Variants in BRAF observed in about 807,000 individuals in gnomAD.
BRAF encodes serine/threonine-protein kinase B-raf.
A neutral mutation model predicts 104.6 loss-of-function variants in BRAF; 16 were observed. The observed-to-expected ratio is 0.15, with a 90% CI of 0.10 to 0.23. The LOEUF (loss-of-function observed/expected upper bound fraction) is 0.23, where lower values mean the gene tolerates loss of function less well. BRAF is among the 10% of genes least tolerant of loss of function. BRAF has a pLI of 1.00. For synonymous variants in BRAF, 310 were observed against 341.6 expected, an observed-to-expected ratio of 0.91 and a Z score of 1.02; for missense variants, 541 against 937.3, an observed-to-expected ratio of 0.58 and a Z score of 5.52.
At chr7:140,902,886 A>G (rs773506194) in intron 1 of BRAF, among the ~76,000 whole-genome samples, 81 of 151,440 alleles carry the variant, frequency 5.3e-4, no homozygotes, top group Non-Finnish European at 4.3e-4. Flanking sequence ...CCCTAAGTCA[A>G]TGGTTGGCTT....
chr7:140,791,455 G>A (rs542185192), intron 8 of BRAF, among the ~76,000 whole-genome samples: 3 of 152,200 alleles, frequency 2.0e-5, no homozygotes, highest in Admixed American at 6.5e-5. Flanking sequence ...GGAAGAGCCA[G>A]CCCATAAAGG....
chr7:140,924,718 C>T lies in BRAF; in HGVS notation c.-15G>A. ...AGCGCCGCCATCTTATAACCGAGAG[C>T]CGGGGCCCGAGCGGCCGCTGTCGGG... On this transcript the variant is annotated 5_prime_UTR_variant, in exon 1 of 20. Transcript: ENST00000644969. The surrounding 1 kb of genome is among the most constrained non-coding windows in gnomAD (Gnocchi z 4.2). 2.2e-6 allele frequency: 2 copies of T among 910,576 alleles called. No individual in the cohort carries two copies. Among genetic ancestry groups the T allele is most frequent in the Admixed American group, 2.3e-5 (1 of 44,246 alleles). The allele number at this position is 910,576 out of a possible 1,614,324, so 56.4% of individuals were successfully genotyped here.
Position 140,787,338 on chromosome 7 carries a change from G to A in BRAF, c.1177+210C>T, listed in dbSNP as rs569641333. Among the ~76,000 whole-genome samples the A allele has an allele frequency of 2.2e-5, 3 of 138,962 alleles. No individual in the cohort carries two copies. In the South Asian group the frequency reaches 7.1e-4, roughly 33 times the overall value. The allele number at this position is 138,962 out of a possible 152,430, so 91.2% of individuals were successfully genotyped here. On this transcript the variant is annotated intron_variant, in intron 9 of 19. Coordinates refer to ENST00000644969, the MANE Select transcript of BRAF (RefSeq NM_001374258.1). ...AAAAAAAAAAAAGACTTCCTTTTAT[G>A]TCCAGTCATCTTTTCTACTCATGTT...
At chr7:140,801,283 TA>T (rs1291205763) in intron 6 of BRAF, 128 bp downstream of exon 6, 152 of 1,053,726 alleles carry the variant, frequency 1.4e-4, no homozygotes, top group Non-Finnish European at 9.9e-5. Context: ...TAACTACACT[TA>T]AAAAAAATTC....
chr7:140,785,190 A>G (rs1312646334), intron 10 of BRAF, among the ~76,000 whole-genome samples: 1 of 152,230 alleles, frequency 6.6e-6, no homozygotes, highest in Non-Finnish European at 1.5e-5. Context: ...AAAACCCAAA[A>G]AACACTGCTA....
At chr7:140,890,791 C>G (rs889308711) in intron 1 of BRAF, among the ~76,000 whole-genome samples, 2 of 152,174 alleles carry the variant, frequency 1.3e-5, no homozygotes, top group Non-Finnish European at 1.5e-5. Flanking sequence ...AAACACTACT[C>G]TAACAGCTGT....
chr7:140,735,250 T>C (rs1269462233), intron 18 of BRAF, among the ~76,000 whole-genome samples: 2 of 152,326 alleles, frequency 1.3e-5, no homozygotes, highest in East Asian at 1.9e-4. Flanking sequence ...ATGTTTTACA[T>C]ACACCTAATT....
intron 1 of BRAF, among the ~76,000 whole-genome samples, chr7:140,884,883 A>AT (rs2129107611): frequency 6.6e-6 from 1 of 152,352 alleles, no homozygotes; most frequent in Non-Finnish European, 1.5e-5. Context: ...AAAAAAACTA[A>AT]TTAACAAAAG....
At chr7:140,834,551 C>G in intron 3 of BRAF, 58 bp downstream of exon 3, 1 of 1,594,398 alleles carries the variant, frequency 6.3e-7, no homozygotes, top group Non-Finnish European at 8.6e-7. Context: ...TTTTCAACAA[C>G]TGATCTGTCT....
At chr7:140,779,182 T>C (rs1288972957) in intron 12 of BRAF, among the ~76,000 whole-genome samples, 5 of 152,176 alleles carry the variant, frequency 3.3e-5, no homozygotes, top group East Asian at 1.9e-4. Context: ...AGAGAGGTGA[T>C]TGGCTAGAAG....
At chr7:140,777,308 C>T (rs562649174) in intron 13 of BRAF, among the ~76,000 whole-genome samples, 1 of 152,170 alleles carries the variant, frequency 6.6e-6, no homozygotes, top group African/African-American at 2.4e-5. Context: ...TGACAGGCAA[C>T]TAGAGGTTGC....
Position 140,739,960 on chromosome 7 carries a change from A to G in BRAF, c.2113-14T>C. ...CATAAAAATTATCTGGAGAGAGAAA[A>G]AAAAGGGAAATAATTCAACCTTGTA... is the stretch of plus-strand genomic sequence containing the variant. On this transcript the variant is annotated splice_polypyrimidine_tract_variant and intron_variant, in intron 17 of 19. Coordinates refer to ENST00000644969, the MANE Select transcript of BRAF (RefSeq NM_001374258.1). The G allele has an allele frequency of 6.2e-7, 1 of 1,612,288 alleles. No homozygotes were observed. Among genetic ancestry groups the G allele is most frequent in the Non-Finnish European group, 8.5e-7 (1 of 1,179,234 alleles).
chr7:140,913,469 C>CTTTTTTTTTTT (rs369746551), intron 1 of BRAF, among the ~76,000 whole-genome samples: 6 of 57,016 alleles, frequency 1.1e-4, no homozygotes, highest in African/African-American at 2.2e-4. Context: ...TTAATCACAG[C>CTTTTTTTTTTT]TTTTTTTTTT....
chr7:140,875,196 C>T (rs1016119319), intron 1 of BRAF, among the ~76,000 whole-genome samples: 2 of 152,126 alleles, frequency 1.3e-5, no homozygotes, highest in Non-Finnish European at 2.9e-5. Flanking sequence ...TGTCAGTGAA[C>T]TTCTAAAAGC....
At chr7:140,750,788 CT>C (rs57413482) in intron 16 of BRAF, among the ~76,000 whole-genome samples, 45,165 of 149,116 alleles carry the variant, frequency 0.3, 10,716 homozygotes, top group African/African-American at 0.67. Flanking sequence ...ATCAGATGAA[CT>C]TTTTTTTTTT....
At chr7:140,860,252 C>T (rs958678585) in intron 1 of BRAF, among the ~76,000 whole-genome samples, 7 of 151,888 alleles carry the variant, frequency 4.6e-5, no homozygotes, top group Non-Finnish European at 7.4e-5. Flanking sequence ...GGGTAAGTGG[C>T]CATCCTTTTG....
At chr7:140,805,576 A>T (rs1479460089) in intron 5 of BRAF, among the ~76,000 whole-genome samples, 1 of 152,166 alleles carries the variant, frequency 6.6e-6, no homozygotes, top group Admixed American at 6.5e-5. Flanking sequence ...CTGAGTATAC[A>T]TAAATATGTA....
chr7:140,902,908 A>C (rs1815819225), intron 1 of BRAF, among the ~76,000 whole-genome samples: 1 of 151,650 alleles, frequency 6.6e-6, no homozygotes, highest in Non-Finnish European at 1.5e-5. Flanking sequence ...AAAGCTTCAA[A>C]GGACAGGATG....
intron 3 of BRAF, among the ~76,000 whole-genome samples, chr7:140,815,879 C>G (rs185834319): frequency 1.4e-4 from 21 of 152,270 alleles, no homozygotes; most frequent in Admixed American, 1.2e-3. Flanking sequence ...GCCTCCTGGT[C>G]AGGTTGAATT....
Sources: gnomAD v4.1 joint callset for allele counts (sites outside exome capture counted in the v4.1 genomes callset) on GRCh38, gnomAD v4.1.1 for gene constraint, Gnocchi (gnomAD v3.1) non-coding constraint, MANE v1.5 for transcripts, NCBI Gene and HGNC (gene_info 2026-07-23, HGNC 2026-07-21) for gene names.